PLCG2: variants seen among roughly 807,000 people sequenced by gnomAD.
PLCG2 encodes phospholipase C gamma 2.
A neutral mutation model predicts 175.6 loss-of-function variants in PLCG2; 69 were observed. That is an observed-to-expected ratio of 0.39 (90% confidence interval 0.32 to 0.48). The LOEUF (loss-of-function observed/expected upper bound fraction) is 0.48, where lower values mean the gene tolerates loss of function less well. PLCG2 is among the 20% of genes least tolerant of loss of function. The pLI is 0.91. For synonymous variants in PLCG2, 827 were observed against 624.0 expected (o/e 1.33, Z -4.85); for missense variants, 1,798 against 1,650.9 (o/e 1.09, Z -1.54).
intron 24 of PLCG2, among the ~76,000 whole-genome samples, chr16:81,930,823 A>G (rs1235466197): frequency 6.6e-6 from 1 of 152,058 alleles, no homozygotes; most frequent in Non-Finnish European, 1.5e-5. Flanking sequence ...ATAGAAAATT[A>G]TGCACAATAT....
chr16:81,745,642 C>T (rs1021827608), intron 1 of PLCG2, among the ~76,000 whole-genome samples: 1 of 152,186 alleles, frequency 6.6e-6, no homozygotes, highest in African/African-American at 2.4e-5. Context: ...TTACTGTTCT[C>T]AAGGTGGGCA....
chr16:81,826,978 A>G (rs554139771), intron 2 of PLCG2, among the ~76,000 whole-genome samples: 1 of 152,328 alleles, frequency 6.6e-6, no homozygotes, highest in Non-Finnish European at 1.5e-5. Flanking sequence ...AAGATAGGAC[A>G]CTTGATCCTG....
rs1908204171 is a variant in PLCG2, at chr16:81,883,626, G to A, written c.765+285G>A. ...AGACTGAGAAGATGGCAGGGCAGGA[G>A]GGGTGAGGGCCTGAGGATGGGGCTG... On this transcript the variant is annotated intron_variant, in intron 9 of 32. Coordinates refer to ENST00000564138, the MANE Select transcript of PLCG2 (RefSeq NM_002661.5). 4 of 476,936 alleles carry A rather than the reference G, an allele frequency of 8.4e-6. No homozygotes were observed. In the East Asian group the frequency reaches 1.6e-4, roughly 19 times the overall value. 29.5% of individuals were successfully genotyped at this position (476,936 alleles called of 1,614,324 possible). A position where few individuals can be genotyped will look rare whatever the true frequency, so the allele number is the denominator to read the frequency against.
intron 2 of PLCG2, among the ~76,000 whole-genome samples, chr16:81,850,681 G>T (rs550038578): frequency 6.6e-6 from 1 of 152,154 alleles, no homozygotes; most frequent in African/African-American, 2.4e-5. Flanking sequence ...AGTAGGCAGG[G>T]AGTGATATTT....
chr16:81,748,477 A>G (rs1489472350), intron 1 of PLCG2, among the ~76,000 whole-genome samples: 1 of 152,124 alleles, frequency 6.6e-6, no homozygotes, highest in Non-Finnish European at 1.5e-5. Context: ...GAAATGCTCA[A>G]AGACTGAGTC....
In PLCG2 at chr16:81,956,743, C is replaced by G; in HGVS notation, c.3619C>G (p.Gln1207Glu). 6.2e-7 allele frequency: 1 copy of G among 1,614,134 alleles called. No homozygotes were observed. The highest frequency in any genetic ancestry group is 8.5e-7 in the Non-Finnish European group (1 of 1,180,002). Residue 1207 changes from glutamine to glutamate, a missense_variant, in exon 32 of 33, where the codon CAA becomes GAA. By Grantham distance (29) the Gln-to-Glu change is conservative. Coordinates refer to ENST00000564138, the MANE Select transcript of PLCG2 (RefSeq NM_002661.5). ...CTCCTGTCGCCAGCTGAGGAGGCGG[C>G]AAGAAGAACTGAACAACCAGCTCTT... Reference protein sequence around the residue: ...YSSCRQLRRRQEELNNQLFLY... With the variant: ...YSSCRQLRRREEELNNQLFLY...
rs1486559662 is a variant in PLCG2 at position 81,786,043 on chromosome 16, C to T, written c.54C>T (p.Ile18=). ...DSLAEYEKSQ[I]KRALELGTVM... is the part of the protein sequence containing the mutation. ...TTGCGGAATATGAGAAGAGCCAGAT[C>T]AAGAGAGCCCTGGAGCTGGGGACGG... Residue 18 remains isoleucine, a synonymous_variant, in exon 2 of 33, where the codon ATC becomes ATT. Transcript: ENST00000564138. The T allele has an allele frequency of 1.2e-6, 2 of 1,614,118 alleles. No individual in the cohort carries two copies. The highest frequency in any genetic ancestry group is 1.7e-6 in the Non-Finnish European group (2 of 1,180,050).
Position 81,845,242 on chromosome 16 carries a change from C to T in PLCG2, c.194-9202C>T, listed in dbSNP as rs567165104. Among the ~76,000 whole-genome samples the T allele has an allele frequency of 7.9e-5, 12 of 152,260 alleles. No individual in the cohort carries two copies. In the East Asian group the frequency reaches 1.7e-3, roughly 22 times the overall value. ...AGGCATGAGCCATTGTTCCCTGTCCCGTGTTATTTCTTATGCCTTATATGT... is the reference window on the plus strand; with the variant it reads ...AGGCATGAGCCATTGTTCCCTGTCCTGTGTTATTTCTTATGCCTTATATGT... On this transcript the variant is annotated intron_variant, in intron 2 of 32. Coordinates refer to ENST00000564138, the MANE Select transcript of PLCG2 (RefSeq NM_002661.5).
At chr16:81,853,483 G>T (rs754403397) in intron 2 of PLCG2, among the ~76,000 whole-genome samples, 1 of 152,094 alleles carries the variant, frequency 6.6e-6, no homozygotes, top group Non-Finnish European at 1.5e-5. Context: ...GGCAGTGGGG[G>T]GATTGCTTTA....
At chr16:81,915,340 C>T (rs1597129351) in intron 19 of PLCG2, among the ~76,000 whole-genome samples, 3 of 152,166 alleles carry the variant, frequency 2.0e-5, no homozygotes, top group Non-Finnish European at 4.4e-5. Context: ...GATAGATTTC[C>T]CCAGTAGAGG....
At chr16:81,917,256 G>T (rs1909882056) in intron 19 of PLCG2, among the ~76,000 whole-genome samples, 1 of 143,370 alleles carries the variant, frequency 7.0e-6, no homozygotes, top group African/African-American at 2.6e-5. Context: ...AAAGCAAATG[G>T]TATTCCATTA....
intron 27 of PLCG2, among the ~76,000 whole-genome samples, chr16:81,937,030 A>G (rs1321225551): frequency 6.6e-6 from 1 of 152,198 alleles, no homozygotes; most frequent in Non-Finnish European, 1.5e-5. Context: ...AGATGTAGGA[A>G]TATGTCTATG....
chr16:81,894,865 T>C (rs1278986464), intron 12 of PLCG2, among the ~76,000 whole-genome samples: 1 of 151,828 alleles, frequency 6.6e-6, no homozygotes, highest in African/African-American at 2.4e-5. Flanking sequence ...AGAGGGAGAC[T>C]TTGTCTCAAA....
At chr16:81,867,900 C>T (rs1403555492) in intron 5 of PLCG2, among the ~76,000 whole-genome samples, 6 of 152,092 alleles carry the variant, frequency 3.9e-5, no homozygotes, top group South Asian at 2.1e-4. Context: ...GGGGTTTCAC[C>T]GTGTTAGCCA....
Position 81,956,754 on chromosome 16 carries a change from G to T in PLCG2, c.3630G>T (p.Leu1210=), listed in dbSNP as rs774266268. 5.8e-5 allele frequency: 93 copies of T among 1,614,146 alleles called. No individual in the cohort carries two copies. The highest frequency in any genetic ancestry group is 7.9e-5 in the Non-Finnish European group (93 of 1,180,008). ...CRQLRRRQEE[L]NNQLFLYDTH... is the part of the protein sequence containing the mutation. ...AGCTGAGGAGGCGGCAAGAAGAACT[G>T]AACAACCAGCTCTTTCTGTATGACA... Residue 1210 remains leucine (L), a synonymous_variant, in exon 32 of 33, where the codon CTG becomes CTT. Coordinates refer to ENST00000564138, the MANE Select transcript of PLCG2 (RefSeq NM_002661.5).
At chr16:81,844,581 C>G (rs1306257315) in intron 2 of PLCG2, among the ~76,000 whole-genome samples, 18 of 152,190 alleles carry the variant, frequency 1.2e-4, no homozygotes, top group Admixed American at 9.8e-4. Flanking sequence ...CTAGGCCTCC[C>G]AAATCGCTGG....
At chr16:81,798,513 C>G (rs1013103938) in intron 2 of PLCG2, 3 of 152,214 alleles carry the variant, frequency 2.0e-5, no homozygotes, top group African/African-American at 7.2e-5. Context: ...AGGTGAAGTT[C>G]TGGAAATAGA....
chr16:81,870,925 A>G lies in PLCG2; in HGVS notation c.638A>G (p.Gln213Arg). ...HLFYKKLMFE[Q>R]QKSILDEFKK... The stretch of plus-strand genomic sequence containing the variant: ...TTCTATAAAAAACTTATGTTTGAAC[A>G]GCAAAAATCGGTAAGATGATTCTTG... Residue 213 changes from glutamine to arginine, a missense_variant, in exon 7 of 33, where the codon CAG becomes CGG. Physicochemically the swap from Gln to Arg is conservative, Grantham distance 43 (BLOSUM62 1). Transcript: ENST00000564138. The G allele has an allele frequency of 6.4e-7, 1 of 1,573,800 alleles. No homozygotes were observed. Among genetic ancestry groups the G allele is most frequent in the Non-Finnish European group, 8.7e-7 (1 of 1,148,592 alleles).
chr16:81,935,763 A>G, intron 26 of PLCG2: 1 of 985,344 alleles, frequency 1.0e-6, no homozygotes, highest in Non-Finnish European at 1.2e-6. Flanking sequence ...GGGCTTTGGC[A>G]GGTGATTCTC....
Sources: gnomAD v4.1 joint callset for allele counts (sites outside exome capture counted in the v4.1 genomes callset) on GRCh38, gnomAD v4.1.1 for gene constraint, MANE v1.5 for transcripts, NCBI Gene and HGNC (gene_info 2026-07-23, HGNC 2026-07-21) for gene names.